SHISA9: variants seen among roughly 807,000 people sequenced by gnomAD.
SHISA9 encodes shisa family member 9, also known as protein shisa-9.
In SHISA9, 13 loss-of-function variants were observed where a neutral mutation model predicts 38.0. The ratio of observed to expected loss-of-function variants is 0.34; its 90% confidence interval spans 0.22 to 0.54. SHISA9 has a LOEUF of 0.54. Ranked by LOEUF, SHISA9 falls within the 20% of genes least tolerant of loss-of-function variation. SHISA9 has a pLI of 0.91. For missense variants in SHISA9, 538 were observed against 575.8 expected (o/e 0.93, Z 0.67); for synonymous variants, 275 against 242.0 (o/e 1.14, Z -1.27).
chr16:13,552,416 G>T, the SHISA9 span, among the ~76,000 whole-genome samples: 1 of 152,098 alleles, frequency 6.6e-6, no homozygotes, highest in Admixed American at 6.5e-5. Flanking sequence ...GGGAAGGGCA[G>T]GTGTCACGAT....
At chr16:13,144,453 G>A (rs1468803736) in intron 2 of SHISA9, among the ~76,000 whole-genome samples, 1 of 151,796 alleles carries the variant, frequency 6.6e-6, no homozygotes, top group Non-Finnish European at 1.5e-5. Flanking sequence ...GCCTGGCTGG[G>A]GCTAGTTCTT....
chr16:13,157,527 G>A (rs368810350), intron 2 of SHISA9, among the ~76,000 whole-genome samples: 62 of 152,274 alleles, frequency 4.1e-4, no homozygotes, highest in African/African-American at 1.2e-3. Context: ...GAAGATTTTC[G>A]TGAGGATTGA....
chr16:13,204,481 G>C (rs2051044318), intron 3 of SHISA9, among the ~76,000 whole-genome samples: 1 of 152,190 alleles, frequency 6.6e-6, no homozygotes, highest in East Asian at 1.9e-4. Context: ...CTGATCCTCA[G>C]GGAATCTTGA....
the SHISA9 span, among the ~76,000 whole-genome samples, chr16:13,468,008 T>C: frequency 6.6e-6 from 1 of 152,218 alleles, no homozygotes; most frequent in South Asian, 2.1e-4. Context: ...TTAACAGCAA[T>C]GGATATTACA....
At chr16:13,067,895 A>G (rs879483256) in intron 2 of SHISA9, among the ~76,000 whole-genome samples, 1 of 152,174 alleles carries the variant, frequency 6.6e-6, no homozygotes, top group Non-Finnish European at 1.5e-5. Flanking sequence ...CTCAACCTTC[A>G]GATCTCACTT....
rs1294631605 is a variant in SHISA9, at chr16:13,037,087, AC to A, written c.691+120274del. ...ACACACACACACACACACACACCAC[AC>A]CACACACACACACACACACAGACAC... is the stretch of plus-strand genomic sequence containing the variant. On this transcript the variant is annotated intron_variant, in intron 2 of 4. Coordinates refer to ENST00000558583, the MANE Select transcript of SHISA9 (RefSeq NM_001145204.3). Among the ~76,000 whole-genome samples the A allele has an allele frequency of 6.6e-3, 433 of 65,926 alleles. 14 individuals carry two copies. Among genetic ancestry groups the A allele is most frequent in the African/African-American group, 0.027 (419 of 15,296 alleles). 43.3% of individuals were successfully genotyped at this position (65,926 alleles called of 152,430 possible). A position where few individuals can be genotyped will look rare whatever the true frequency, so the allele number is the denominator to read the frequency against.
At chr16:13,376,896 C>T in the SHISA9 span, among the ~76,000 whole-genome samples, 51 of 152,206 alleles carry the variant, frequency 3.4e-4, no homozygotes, top group Non-Finnish European at 5.9e-4. Context: ...AGGCTGGTTT[C>T]GAACTCCTGC....
At chr16:13,296,849 C>A in the SHISA9 span, among the ~76,000 whole-genome samples, 2 of 132,704 alleles carry the variant, frequency 1.5e-5, no homozygotes, top group Admixed American at 1.7e-4. Flanking sequence ...TGAGAGCATG[C>A]CCTTGCACTT....
intron 2 of SHISA9, among the ~76,000 whole-genome samples, chr16:13,102,873 A>C (rs1338520256): frequency 2.0e-5 from 3 of 152,192 alleles, no homozygotes; most frequent in Non-Finnish European, 4.4e-5. Context: ...TAAAAGGATA[A>C]ATTGCTCACT....
intron 2 of SHISA9, among the ~76,000 whole-genome samples, chr16:13,032,274 G>A (rs79396572): frequency 6.6e-6 from 1 of 152,124 alleles, no homozygotes; most frequent in African/African-American, 2.4e-5. Flanking sequence ...AACATGAGGT[G>A]TTTGGTTTTC....
At chr16:13,271,063 G>A in the SHISA9 span, among the ~76,000 whole-genome samples, 159 of 152,290 alleles carry the variant, frequency 1.0e-3, no homozygotes, top group African/African-American at 3.6e-3. Flanking sequence ...ACCCTGAGAA[G>A]GGATATGGGG....
intron 2 of SHISA9, among the ~76,000 whole-genome samples, chr16:12,948,888 A>G (rs2141771327): frequency 6.6e-6 from 1 of 152,354 alleles, no homozygotes; most frequent in South Asian, 2.1e-4. Flanking sequence ...TATTTTTCCC[A>G]ATAAACCAAC....
At chr16:12,970,429 A>ATACATATATG (rs2072055557) in intron 2 of SHISA9, among the ~76,000 whole-genome samples, 3 of 66,034 alleles carry the variant, frequency 4.5e-5, no homozygotes, top group African/African-American at 2.1e-4. Flanking sequence ...ACATATATGT[A>ATACATATATG]TATATATATA....
chr16:13,241,269 C>T (rs1210317143), downstream of SHISA9, among the ~76,000 whole-genome samples: 1 of 152,314 alleles, frequency 6.6e-6, no homozygotes, highest in South Asian at 2.1e-4. Context: ...AATTCCAGCA[C>T]TTTGGGAGGC....
Position 12,901,911 on chromosome 16 carries a change from C to T in SHISA9, c.-154C>T. 2.5e-6 allele frequency: 1 copy of T among 396,300 alleles called. No homozygotes were observed. The highest frequency in any genetic ancestry group is 3.9e-6 in the Non-Finnish European group (1 of 254,230). 24.5% of individuals were successfully genotyped at this position (396,300 alleles called of 1,614,324 possible). ...GGGCTGAGCCGAGCGCAGTGGCCGC[C>T]GACCACCGAGCGCCCCGCGCCGCTC... On this transcript the variant is annotated 5_prime_UTR_variant, in exon 1 of 5. Transcript: ENST00000558583.
chr16:12,970,397 A>ATG (rs2072050254), intron 2 of SHISA9, among the ~76,000 whole-genome samples: 2 of 5,034 alleles, frequency 4.0e-4, no homozygotes, highest in South Asian at 0.017. Context: ...ATGTATATAT[A>ATG]TATATACATA....
the SHISA9 span, among the ~76,000 whole-genome samples, chr16:13,476,750 T>TTTG: frequency 7.6e-6 from 1 of 130,796 alleles, no homozygotes; most frequent in Non-Finnish European, 1.7e-5. Context: ...TTTTTTTTTT[T>TTTG]TTTTTTTTTT....
chr16:13,282,756 T>G, the SHISA9 span, among the ~76,000 whole-genome samples: 1 of 152,104 alleles, frequency 6.6e-6, no homozygotes, highest in East Asian at 1.9e-4. Context: ...ATGTTTCTTT[T>G]GCTCACCCAG....
At chr16:12,925,876 C>A (rs555848533) in intron 2 of SHISA9, among the ~76,000 whole-genome samples, 5 of 151,992 alleles carry the variant, frequency 3.3e-5, no homozygotes, top group African/African-American at 1.2e-4. Flanking sequence ...CATGCATGCT[C>A]TTTTTGGTAT....
Sources: allele counts gnomAD v4.1 joint callset (sites outside exome capture counted in the v4.1 genomes callset), GRCh38; gene constraint gnomAD v4.1.1; transcripts MANE v1.5; gene names NCBI Gene and HGNC (gene_info 2026-07-23, HGNC 2026-07-21).